The following DGKH variants were observed in gnomAD, a reference collection of about 807,000 sequenced individuals.
DGKH encodes DAG kinase eta.
In DGKH, 90 loss-of-function variants were observed where a neutral mutation model predicts 159.3. The ratio of observed to expected loss-of-function variants is 0.57; its 90% CI spans 0.48 to 0.67. The LOEUF (loss-of-function observed/expected upper bound fraction) is 0.67, where lower values mean the gene tolerates loss of function less well. Ranked by LOEUF, DGKH falls within the 30% of genes least tolerant of loss-of-function variation. DGKH has a pLI of 0.00. For synonymous variants in DGKH, 536 were observed against 553.8 expected (o/e 0.97, Z 0.45); for missense variants, 1,181 against 1,506.1 (o/e 0.78, Z 3.57).
chr13:42,096,071 C>G (rs2038885), intron 1 of DGKH, among the ~76,000 whole-genome samples: 18,722 of 152,102 alleles, frequency 0.12, 1,536 homozygotes, highest in Admixed American at 0.22. Flanking sequence ...AATGTTTTGT[C>G]TTTCAAATTT....
chr13:42,099,824 G>C (rs1954620338), intron 1 of DGKH, among the ~76,000 whole-genome samples: 1 of 152,174 alleles, frequency 6.6e-6, no homozygotes, highest in Admixed American at 6.5e-5. Context: ...GCCCTAAGCT[G>C]GGGTTGAAGG....
At chr13:42,170,214 A>G (rs1479505685) in intron 11 of DGKH, among the ~76,000 whole-genome samples, 4 of 152,202 alleles carry the variant, frequency 2.6e-5, no homozygotes, top group African/African-American at 4.8e-5. Flanking sequence ...TAGGCATTTC[A>G]TCTACCCTGG....
intron 29 of DGKH, among the ~76,000 whole-genome samples, chr13:42,249,581 TTCTACTCTGCCAATGTGGCA>T (rs1398771944): frequency 6.6e-6 from 1 of 152,220 alleles, no homozygotes; most frequent in Non-Finnish European, 1.5e-5. Flanking sequence ...GTCAGGACTA[TTCTACTCTGCCAATGTGGCA>T]GGAAAGCAGC....
At chr13:42,203,212 C>T (rs1342578801) in intron 20 of DGKH, among the ~76,000 whole-genome samples, 1 of 152,092 alleles carries the variant, frequency 6.6e-6, no homozygotes, top group African/African-American at 2.4e-5. Flanking sequence ...TTACTGTGTG[C>T]CTTCTACATA....
chr13:42,044,586 C>T (rs187188151), upstream of DGKH, among the ~76,000 whole-genome samples: 360 of 152,238 alleles, frequency 2.4e-3, no homozygotes, highest in Non-Finnish European at 3.9e-3. Context: ...ACTGCGCCCG[C>T]CCCAGCACTT....
intron 3 of DGKH, among the ~76,000 whole-genome samples, chr13:42,150,452 G>C (rs1050351179): frequency 1.3e-5 from 2 of 152,134 alleles, no homozygotes; most frequent in Admixed American, 1.3e-4. Context: ...TTTTAAAAAA[G>C]TTACATTTCT....
intron 29 of DGKH, among the ~76,000 whole-genome samples, chr13:42,223,221 G>A (rs1190031167): frequency 6.6e-6 from 1 of 152,276 alleles, no homozygotes; most frequent in South Asian, 2.1e-4. Flanking sequence ...GTCAGCAGCG[G>A]CAAGTCCTTC....
At chr13:42,210,943 A>G (rs1479872704) in intron 24 of DGKH, among the ~76,000 whole-genome samples, 178 bp downstream of exon 24, 1 of 152,150 alleles carries the variant, frequency 6.6e-6, no homozygotes, top group African/African-American at 2.4e-5. Flanking sequence ...TCTTTACACT[A>G]TACTACCTAC....
chr13:42,163,083 A>C (rs1295612801), intron 7 of DGKH, among the ~76,000 whole-genome samples: 1 of 146,760 alleles, frequency 6.8e-6, no homozygotes, highest in Non-Finnish European at 1.5e-5. Flanking sequence ...TCATTGTTCA[A>C]TTCCCATCTA....
intron 1 of DGKH, among the ~76,000 whole-genome samples, chr13:42,056,122 A>G (rs1046642196): frequency 1.3e-5 from 2 of 152,226 alleles, no homozygotes; most frequent in East Asian, 3.8e-4. Context: ...AAACATTTGT[A>G]TTTTTGAGTT....
chr13:42,172,580 C>A (rs754758157), intron 11 of DGKH, among the ~76,000 whole-genome samples: 12 of 152,186 alleles, frequency 7.9e-5, no homozygotes, highest in Non-Finnish European at 1.6e-4. Flanking sequence ...CCTCTGGGTT[C>A]TATCAGTAGC....
intron 21 of DGKH, among the ~76,000 whole-genome samples, chr13:42,207,073 CTT>C (rs1957509385): frequency 8.3e-6 from 1 of 120,096 alleles, no homozygotes; most frequent in Non-Finnish European, 1.7e-5. Flanking sequence ...TTCTTTCTTT[CTT>C]TCTTTCTTTC....
intron 1 of DGKH, among the ~76,000 whole-genome samples, chr13:42,055,083 G>T (rs568447676): frequency 3.1e-3 from 474 of 152,180 alleles, no homozygotes; most frequent in Non-Finnish European, 4.4e-3. Context: ...AACCTTCTTA[G>T]CTCGTCGACT....
At chr13:42,088,054 A>C (rs1387503704) in intron 1 of DGKH, among the ~76,000 whole-genome samples, 2 of 152,170 alleles carry the variant, frequency 1.3e-5, no homozygotes, top group Non-Finnish European at 2.9e-5. Context: ...TAGAACAAAG[A>C]TTAAAAATTA....
chr13:42,074,335 C>T (rs541660647), intron 1 of DGKH, among the ~76,000 whole-genome samples: 2 of 152,160 alleles, frequency 1.3e-5, no homozygotes, highest in Admixed American at 6.5e-5. Flanking sequence ...TGTCTTCTGT[C>T]AGGTCTTCAC....
At chr13:42,152,790 A>C (rs1363108696) in intron 3 of DGKH, among the ~76,000 whole-genome samples, 1 of 151,594 alleles carries the variant, frequency 6.6e-6, no homozygotes, top group Non-Finnish European at 1.5e-5. Flanking sequence ...AGTTCCCTGG[A>C]CTCCTCCGCG....
At chr13:42,089,686 T>C (rs563094162) in intron 1 of DGKH, among the ~76,000 whole-genome samples, 3 of 152,306 alleles carry the variant, frequency 2.0e-5, no homozygotes, top group Non-Finnish European at 2.9e-5. Flanking sequence ...CTTCTACTTA[T>C]AAGGATCCTT....
intron 5 of DGKH, among the ~76,000 whole-genome samples, chr13:42,158,460 A>AT (rs1956096502): frequency 1.3e-5 from 2 of 152,268 alleles, no homozygotes; most frequent in South Asian, 4.1e-4. Flanking sequence ...TCAAGTTCCA[A>AT]TTTTTGTAAG....
intron 29 of DGKH, among the ~76,000 whole-genome samples, chr13:42,252,139 T>TC (rs1566240020): frequency 1.3e-5 from 2 of 150,570 alleles, no homozygotes; most frequent in Admixed American, 6.6e-5. Flanking sequence ...TTTTTTTTTT[T>TC]CCCCAATCTG....
Sources: allele counts gnomAD v4.1 joint callset (sites outside exome capture counted in the v4.1 genomes callset), GRCh38; gene constraint gnomAD v4.1.1; transcripts MANE v1.5; gene names NCBI Gene and HGNC (gene_info 2026-07-23, HGNC 2026-07-21).